SAMSN1: variants seen among roughly 807,000 people sequenced by gnomAD.
SAMSN1 encodes SAM domain, SH3 domain and nuclear localization signals 1.
SAMSN1 carries 31 observed loss-of-function variants against 42.0 expected under a neutral mutation model. The observed-to-expected ratio is 0.74, with a 90% CI of 0.55 to 1.00. The LOEUF is 1.00. SAMSN1 is among the 50% of genes least tolerant of loss of function. SAMSN1 has a pLI of 0.00. For synonymous variants in SAMSN1, 178 were observed against 151.9 expected, an observed-to-expected ratio of 1.17 and a Z score of -1.26; for missense variants, 464 against 439.4, an observed-to-expected ratio of 1.06 and a Z score of -0.50.
At chr21:14,538,700 G>A (rs1468846955) in intron 1 of SAMSN1, among the ~76,000 whole-genome samples, 1 of 152,156 alleles carries the variant, frequency 6.6e-6, no homozygotes, top group Non-Finnish European at 1.5e-5. Flanking sequence ...AGGCAGTGCA[G>A]TGAAAACAGC....
chr21:14,537,275 C>T (rs1979686773), intron 1 of SAMSN1, among the ~76,000 whole-genome samples: 1 of 152,170 alleles, frequency 6.6e-6, no homozygotes, highest in East Asian at 1.9e-4. Context: ...TCACCAATCC[C>T]AAGACCAGCT....
At chr21:14,597,372 C>T (rs10222136) in intron 6 of SAMSN1, among the ~76,000 whole-genome samples, 9,892 of 152,158 alleles carry the variant, frequency 0.065, 836 homozygotes, top group African/African-American at 0.19. Context: ...TAATTCTGTA[C>T]ATAGCCAATG....
upstream of SAMSN1, among the ~76,000 whole-genome samples, chr21:14,659,253 T>A (rs1031218832): frequency 2.0e-5 from 3 of 152,000 alleles, no homozygotes; most frequent in Non-Finnish European, 2.9e-5. Context: ...GATATAGAGA[T>A]AAACACATTT....
intron 2 of SAMSN1, among the ~76,000 whole-genome samples, chr21:14,563,006 A>T (rs1980994891): frequency 6.6e-6 from 1 of 152,172 alleles, no homozygotes; most frequent in Admixed American, 6.5e-5. Context: ...AGTTCTTATT[A>T]TAAATGCAGA....
intron 6 of SAMSN1, among the ~76,000 whole-genome samples, chr21:14,597,405 AT>A (rs1982302350): frequency 6.6e-6 from 1 of 152,060 alleles, no homozygotes; most frequent in South Asian, 2.1e-4. Flanking sequence ...CCAATATTTT[AT>A]TTGTTAGTAA....
chr21:14,534,520 TTTTC>T lies in SAMSN1; in HGVS notation c.57+11681_57+11684del. ...AAAATAGAAAGGAGGGAGAGACTTTTTTTCTTTTTTTTTTTGAGACGGAGTCTCG... is the reference window on the plus strand; with the variant it reads ...AAAATAGAAAGGAGGGAGAGACTTTTTTTTTTTTTTTGAGACGGAGTCTCG... On this transcript the variant is annotated intron_variant, in intron 1 of 7. Transcript: ENST00000400566. 2.3e-5 allele frequency among the ~76,000 whole-genome samples: 2 copies of T among 86,134 alleles called. 1 individual carries two copies. Among genetic ancestry groups the T allele is most frequent in the African/African-American group, 1.9e-4 (2 of 10,690 alleles). The allele number at this position is 86,134 out of a possible 152,430, so 56.5% of individuals were successfully genotyped here. A position where few individuals can be genotyped will look rare whatever the true frequency, so the allele number is the denominator to read the frequency against.
intron 1 of SAMSN1, among the ~76,000 whole-genome samples, chr21:14,530,186 G>A (rs375152209): frequency 1.3e-4 from 20 of 151,858 alleles, no homozygotes; most frequent in African/African-American, 4.3e-4. Context: ...GCGTGGTGGC[G>A]GGTGCCTGTA....
At chr21:14,570,769 T>C (rs1331853568) in intron 2 of SAMSN1, among the ~76,000 whole-genome samples, 1 of 152,214 alleles carries the variant, frequency 6.6e-6, no homozygotes, top group Non-Finnish European at 1.5e-5. Context: ...TCACTGTATG[T>C]AGAGTGATCT....
chr21:14,626,277 C>G (rs186173194), intron 2 of SAMSN1, among the ~76,000 whole-genome samples: 30 of 152,202 alleles, frequency 2.0e-4, no homozygotes, highest in African/African-American at 7.2e-4. Context: ...AAATTGACAA[C>G]TGGGATCTAA....
intron 2 of SAMSN1, among the ~76,000 whole-genome samples, chr21:14,581,344 C>CTTTTTTTTTTTTTTTTGTT (rs1981716065): frequency 3.1e-5 from 1 of 32,588 alleles, no homozygotes; most frequent in Admixed American, 6.1e-4. Flanking sequence ...AATAATATTT[C>CTTTTTTTTTTTTTTTTGTT]TTTTTTTTTT....
intron 5 of SAMSN1, among the ~76,000 whole-genome samples, chr21:14,508,804 C>T (rs1300058138): frequency 6.6e-6 from 1 of 152,166 alleles, no homozygotes; most frequent in Non-Finnish European, 1.5e-5. Flanking sequence ...GGAACCAACC[C>T]AAATGACCAT....
In SAMSN1 at chr21:14,497,485, C is replaced by T. The variant is rs545383326; in HGVS notation, c.919+957G>A. On this transcript the variant is annotated intron_variant, in intron 7 of 7. Transcript: ENST00000400566. Reference sequence around the variant, plus strand: ...TGGCATGCCTATAATCTCAGCTACTCGGAGGCTGAGGCATGAGAATCGCTT... The same window carrying T: ...TGGCATGCCTATAATCTCAGCTACTTGGAGGCTGAGGCATGAGAATCGCTT... 9.9e-5 allele frequency among the ~76,000 whole-genome samples: 15 copies of T among 152,098 alleles called. No individual in the cohort carries two copies. The South Asian group carries it at 2.1e-3, about 21-fold the overall frequency.
intron 5 of SAMSN1, 107 bp downstream of exon 5, chr21:14,510,203 G>A (rs1373877791): frequency 9.3e-7 from 1 of 1,080,784 alleles, no homozygotes; most frequent in Non-Finnish European, 1.4e-6. Flanking sequence ...TCTACTGTTG[G>A]GAAGAACACA....
chr21:14,573,101 A>G (rs1981351488), intron 2 of SAMSN1, among the ~76,000 whole-genome samples: 1 of 152,174 alleles, frequency 6.6e-6, no homozygotes, highest in South Asian at 2.1e-4. Flanking sequence ...TGAAAACAAG[A>G]TTTCAAAGGC....
chr21:14,500,715 A>G lies in SAMSN1; in HGVS notation c.582T>C (p.Ile194=). Residue 194 remains isoleucine, a synonymous_variant, in exon 6 of 8, where the codon ATT becomes ATC. Coordinates refer to ENST00000400566, the MANE Select transcript of SAMSN1 (RefSeq NM_022136.5). ...ACATCCCCATTGGTGTTTTGCAAAT[A>G]ATGTCTATGATGTCTCCTTTCTAAG... is the stretch of plus-strand genomic sequence containing the variant. ...LKIKKGDIID[I]ICKTPMGMWT... 1.2e-6 allele frequency: 2 copies of G among 1,613,784 alleles called. No homozygotes were observed. Among genetic ancestry groups the G allele is most frequent in the Non-Finnish European group, 1.7e-6 (2 of 1,179,686 alleles).
At chr21:14,535,757 C>A (rs1057436390) in intron 1 of SAMSN1, among the ~76,000 whole-genome samples, 1 of 152,184 alleles carries the variant, frequency 6.6e-6, no homozygotes, top group African/African-American at 2.4e-5. Flanking sequence ...CAGCCATCTA[C>A]ATGTCAAAAA....
chr21:14,601,989 C>T, intron 6 of SAMSN1: 1 of 662,446 alleles, frequency 1.5e-6, no homozygotes, highest in East Asian at 2.7e-5. Flanking sequence ...AGACGATTTT[C>T]ACAAAACACG....
intron 2 of SAMSN1, among the ~76,000 whole-genome samples, chr21:14,571,190 T>C (rs1981289752): frequency 1.3e-5 from 2 of 152,230 alleles, no homozygotes; most frequent in South Asian, 2.1e-4. Context: ...TGTTTCTAAT[T>C]AGACTATAAG....
At chr21:14,610,742 G>C (rs12483179) in intron 4 of SAMSN1, among the ~76,000 whole-genome samples, 48 of 152,186 alleles carry the variant, frequency 3.2e-4, no homozygotes, top group Admixed American at 1.1e-3. Flanking sequence ...ATTATCGGTG[G>C]CGGGTTCCCC....
Sources: gnomAD v4.1 joint callset for allele counts (sites outside exome capture counted in the v4.1 genomes callset) on GRCh38, gnomAD v4.1.1 for gene constraint, MANE v1.5 for transcripts, NCBI Gene and HGNC (gene_info 2026-07-23, HGNC 2026-07-21) for gene names.